The following NXPE2 variants were observed in gnomAD, a reference collection of about 807,000 sequenced individuals.
NXPE2 encodes the protein neurexophilin and PC-esterase domain family member 2.
NXPE2 carries 34 observed loss-of-function variants against 34.4 expected under a neutral mutation model. The ratio of observed to expected loss-of-function variants is 0.99; its 90% CI spans 0.75 to 1.31. The LOEUF is 1.31. Ranked by LOEUF, NXPE2 falls within the 40% of genes most tolerant of loss-of-function variation. The pLI, the probability that NXPE2 is intolerant of heterozygous loss-of-function variation, is 0.00. For synonymous variants in NXPE2, 235 were observed against 231.3 expected (o/e 1.02, Z -0.15); for missense variants, 649 against 672.5 (o/e 0.97, Z 0.39).
the NXPE2 span, among the ~76,000 whole-genome samples, chr11:114,563,337 G>A: frequency 6.6e-6 from 1 of 152,088 alleles, no homozygotes; most frequent in Admixed American, 6.6e-5. Flanking sequence ...CCTCATATGA[G>A]TCATATAGGG....
chr11:114,734,831 G>A, the NXPE2 span, among the ~76,000 whole-genome samples: 1 of 152,154 alleles, frequency 6.6e-6, no homozygotes, highest in Non-Finnish European at 1.5e-5. Context: ...TTGCACGGCA[G>A]GGCGCAGTGG....
the NXPE2 span, among the ~76,000 whole-genome samples, chr11:114,806,982 CA>C: frequency 6.6e-6 from 1 of 152,136 alleles, no homozygotes; most frequent in Non-Finnish European, 1.5e-5. Context: ...ATCAGACTAA[CA>C]GCTGATCTCT....
chr11:114,699,692 A>G (rs561443824), intron 3 of NXPE2, among the ~76,000 whole-genome samples: 1 of 152,274 alleles, frequency 6.6e-6, no homozygotes, highest in South Asian at 2.1e-4. Context: ...CTTCCGCAAC[A>G]TAATTCTTAT....
chr11:114,491,252 G>T, the NXPE2 span, among the ~76,000 whole-genome samples: 1 of 150,530 alleles, frequency 6.6e-6, no homozygotes, highest in African/African-American at 2.5e-5. Flanking sequence ...GAAAATTTTC[G>T]CAACCTACTC....
the NXPE2 span, among the ~76,000 whole-genome samples, chr11:114,544,879 G>T: frequency 6.6e-6 from 1 of 151,990 alleles, no homozygotes; most frequent in Non-Finnish European, 1.5e-5. Flanking sequence ...AATAATAAGA[G>T]AAAACAATTT....
At chr11:114,688,411 C>T (rs1951085976) in intron 2 of NXPE2, among the ~76,000 whole-genome samples, 1 of 151,952 alleles carries the variant, frequency 6.6e-6, no homozygotes. Context: ...TATGTTAAAC[C>T]ATCCTTGCAT....
At chr11:114,597,635 A>C in the NXPE2 span, among the ~76,000 whole-genome samples, 1 of 152,164 alleles carries the variant, frequency 6.6e-6, no homozygotes, top group South Asian at 2.1e-4. Flanking sequence ...TCTCCAGTAA[A>C]GGGAGCCAGA....
the NXPE2 span, among the ~76,000 whole-genome samples, chr11:114,734,837 A>G: frequency 9.2e-5 from 14 of 152,146 alleles, no homozygotes; most frequent in Non-Finnish European, 1.3e-4. Flanking sequence ...GGCAGGGCGC[A>G]GTGGCTCACG....
chr11:114,474,006 T>C, the NXPE2 span, among the ~76,000 whole-genome samples: 1 of 151,908 alleles, frequency 6.6e-6, no homozygotes, highest in South Asian at 2.1e-4. Context: ...AAAGAGAGAG[T>C]TAAAGATATA....
chr11:114,699,921 G>A (rs1951334026), intron 3 of NXPE2, among the ~76,000 whole-genome samples: 1 of 151,934 alleles, frequency 6.6e-6, no homozygotes, highest in South Asian at 2.1e-4. Context: ...AGCCTCCTGA[G>A]TAGCTGGGAC....
chr11:114,625,270 T>A, the NXPE2 span, among the ~76,000 whole-genome samples: 3 of 152,116 alleles, frequency 2.0e-5, no homozygotes, highest in East Asian at 5.8e-4. Context: ...CAGTGGGTAA[T>A]ACGAGTTGCC....
At chr11:114,798,784 G>A in the NXPE2 span, among the ~76,000 whole-genome samples, 9 of 152,082 alleles carry the variant, frequency 5.9e-5, no homozygotes, top group East Asian at 1.5e-3. Context: ...TCTTTGTGTT[G>A]CTCTAGTCTT....
chr11:114,620,191 C>T, the NXPE2 span, among the ~76,000 whole-genome samples: 52 of 152,010 alleles, frequency 3.4e-4, no homozygotes, highest in Non-Finnish European at 4.7e-4. Context: ...CACCATTACC[C>T]GCTGGATACT....
chr11:114,705,491 CT>C (rs1951453992), intron 4 of NXPE2, among the ~76,000 whole-genome samples: 2 of 152,228 alleles, frequency 1.3e-5, no homozygotes, highest in African/African-American at 2.4e-5. Flanking sequence ...CTCTGGCTGG[CT>C]GTTCCACAGC....
At chr11:114,800,570 A>G in the NXPE2 span, among the ~76,000 whole-genome samples, 2 of 152,290 alleles carry the variant, frequency 1.3e-5, no homozygotes, top group Admixed American at 1.3e-4. Flanking sequence ...GTACCTAGTA[A>G]GAAGTAGAGT....
chr11:114,713,709 A>G, the NXPE2 span, among the ~76,000 whole-genome samples: 1 of 152,226 alleles, frequency 6.6e-6, no homozygotes, highest in African/African-American at 2.4e-5. Context: ...TTTCTTCGAT[A>G]CTGAATCAAC....
rs1006980757 is a variant in NXPE2, at chr11:114,704,064, G to C, written c.928+12G>C. 6.5e-7 allele frequency: 1 copy of C among 1,541,596 alleles called. No individual in the cohort carries two copies. The highest frequency in any genetic ancestry group is 1.4e-5 in the African/African-American group (1 of 72,788). On this transcript the variant is annotated intron_variant, in intron 4 of 5. Coordinates refer to ENST00000389586, the MANE Select transcript of NXPE2 (RefSeq NM_182495.6). ...CATACCATGCAACAGTAAGTCTGGA[G>C]TGTTGTTGTCTGCCATGATCACAAT... is the stretch of plus-strand genomic sequence containing the variant.
chr11:114,595,365 T>C, the NXPE2 span, among the ~76,000 whole-genome samples: 1 of 152,172 alleles, frequency 6.6e-6, no homozygotes, highest in African/African-American at 2.4e-5. Context: ...ACATTTCTCT[T>C]TGCACCGGAA....
chr11:114,807,411 G>A, the NXPE2 span, among the ~76,000 whole-genome samples: 1 of 152,286 alleles, frequency 6.6e-6, no homozygotes, highest in South Asian at 2.1e-4. Flanking sequence ...TGGATAAAGA[G>A]TCAAGACCCA....
Sources: gnomAD v4.1 joint callset for allele counts (sites outside exome capture counted in the v4.1 genomes callset) on GRCh38, gnomAD v4.1.1 for gene constraint, MANE v1.5 for transcripts, NCBI Gene and HGNC (gene_info 2026-07-23, HGNC 2026-07-21) for gene names.